The following USP12 variants were observed in gnomAD, a reference collection of about 807,000 sequenced individuals.
USP12 encodes the protein ubiquitin carboxyl-terminal hydrolase 12.
USP12 carries 19 observed loss-of-function variants against 45.5 expected under a neutral mutation model. The observed-to-expected ratio is 0.42, with a 90% confidence interval of 0.29 to 0.61. The LOEUF is 0.61. USP12 is among the 20% of genes least tolerant of loss of function. The pLI is 0.22. For synonymous variants in USP12, 149 were observed against 148.8 expected (o/e 1.00, Z -0.01); for missense variants, 242 against 447.7 (o/e 0.54, Z 4.15).
intron 6 of USP12, among the ~76,000 whole-genome samples, chr13:27,078,164 C>T (rs891536778): frequency 9.2e-5 from 14 of 151,354 alleles, no homozygotes; most frequent in African/African-American, 1.5e-4. Flanking sequence ...TTGGGAGTTC[C>T]ACATCCACAG....
At chr13:27,105,427 C>A (rs560958445) in intron 3 of USP12, among the ~76,000 whole-genome samples, 27 of 152,192 alleles carry the variant, frequency 1.8e-4, no homozygotes, top group African/African-American at 6.3e-4. Context: ...GAAACAAAAA[C>A]CCTTCATTCT....
intron 8 of USP12, 64 bp downstream of exon 8, chr13:27,071,007 G>A: frequency 7.3e-7 from 1 of 1,375,098 alleles, no homozygotes; most frequent in Non-Finnish European, 1.0e-6. Context: ...AAAACTATGA[G>A]AAAAAAGTGA....
rs552978432 is a variant in USP12, at chr13:27,143,803, T to C, written c.49-27207A>G. 7.1e-4 allele frequency among the ~76,000 whole-genome samples: 108 copies of C among 152,314 alleles called. 2 individuals carry two copies. The South Asian group carries it at 0.022, about 31-fold the overall frequency. ...GCCTTTAGACCTAATTCCCACTTTA[T>C]AGAAAATATAACGGATAGAAGAGCA... On this transcript the variant is annotated intron_variant, in intron 1 of 8. Coordinates refer to ENST00000282344, the MANE Select transcript of USP12 (RefSeq NM_182488.4).
chr13:27,093,586 G>T (rs1002485875), intron 4 of USP12, among the ~76,000 whole-genome samples: 1 of 152,152 alleles, frequency 6.6e-6, no homozygotes, highest in Admixed American at 6.5e-5. Flanking sequence ...AGGAAAAATC[G>T]TACAGCCACT....
chr13:27,159,613 T>G (rs1228082406), intron 1 of USP12, among the ~76,000 whole-genome samples: 1 of 152,224 alleles, frequency 6.6e-6, no homozygotes, highest in Non-Finnish European at 1.5e-5. Flanking sequence ...CTGTTCTAGA[T>G]TTATCATCTA....
intron 1 of USP12, among the ~76,000 whole-genome samples, chr13:27,166,847 G>A (rs978529789): frequency 2.6e-5 from 4 of 151,908 alleles, no homozygotes; most frequent in Non-Finnish European, 5.9e-5. Flanking sequence ...ACCTGTCAAC[G>A]CCCTAGTACC....
chr13:27,089,446 A>C (rs1443713546), intron 6 of USP12: 1 of 154,722 alleles, frequency 6.5e-6, no homozygotes, highest in Non-Finnish European at 1.4e-5. Context: ...GATGATGTTT[A>C]TTATTCCATT....
At chr13:27,159,668 CA>C (rs1185779505) in intron 1 of USP12, among the ~76,000 whole-genome samples, 2 of 152,272 alleles carry the variant, frequency 1.3e-5, no homozygotes, top group South Asian at 2.1e-4. Flanking sequence ...TATTTTTTAT[CA>C]TTGTGAGATC....
intron 1 of USP12, among the ~76,000 whole-genome samples, chr13:27,122,780 A>T (rs2137802992): frequency 6.6e-6 from 1 of 152,296 alleles, no homozygotes; most frequent in South Asian, 2.1e-4. Context: ...GTTATTAATG[A>T]AAACTCAAGT....
At position 27,156,134 on chromosome 13, in the gene USP12, T is replaced by C. The variant is rs17072003; in HGVS notation, c.48+15458A>G. ...TCTGACAATGCCAGCCTCATCATTA[T>C]AAAGAGACACGACATTCCACTGCAA... On this transcript the variant is annotated intron_variant, in intron 1 of 8. Coordinates refer to ENST00000282344, the MANE Select transcript of USP12 (RefSeq NM_182488.4). Among the ~76,000 whole-genome samples the C allele has an allele frequency of 1.0e-2, 1,511 of 151,318 alleles. 22 individuals are homozygous for C. Among genetic ancestry groups the C allele is most frequent in the African/African-American group, 0.035 (1,439 of 41,170 alleles).
chr13:27,074,273 G>T (rs1049631074), intron 7 of USP12, among the ~76,000 whole-genome samples: 2 of 152,142 alleles, frequency 1.3e-5, no homozygotes, highest in Non-Finnish European at 2.9e-5. Flanking sequence ...GGTGGTGGGT[G>T]CCTGTAGTCT....
At chr13:27,135,104 G>T (rs1415714619) in intron 1 of USP12, among the ~76,000 whole-genome samples, 1 of 152,056 alleles carries the variant, frequency 6.6e-6, no homozygotes, top group Non-Finnish European at 1.5e-5. Context: ...GGGTAACATG[G>T]TGAAAGCCCA....
chr13:27,160,979 C>T (rs549814281), intron 1 of USP12, among the ~76,000 whole-genome samples: 10 of 152,146 alleles, frequency 6.6e-5, no homozygotes, highest in East Asian at 1.9e-4. Flanking sequence ...CAGTGTGTAG[C>T]GTTCCCCTCC....
At chr13:27,132,119 G>C (rs553797886) in intron 1 of USP12, among the ~76,000 whole-genome samples, 2 of 152,282 alleles carry the variant, frequency 1.3e-5, no homozygotes, top group African/African-American at 4.8e-5. Context: ...CACCTTTCCT[G>C]CTATCCCTCA....
chr13:27,111,300 T>C (rs1293589033), intron 2 of USP12, among the ~76,000 whole-genome samples: 1 of 152,230 alleles, frequency 6.6e-6, no homozygotes, highest in Non-Finnish European at 1.5e-5. Flanking sequence ...TCCTAAGACC[T>C]AAAAATTATC....
At chr13:27,145,618 T>C (rs1877274054) in intron 1 of USP12, among the ~76,000 whole-genome samples, 1 of 152,204 alleles carries the variant, frequency 6.6e-6, no homozygotes. Context: ...CTGTGAAATA[T>C]CATGATCTCA....
chr13:27,148,676 T>TTATATATATATATATATA (rs59164229), intron 1 of USP12, among the ~76,000 whole-genome samples: 234 of 139,382 alleles, frequency 1.7e-3, no homozygotes, highest in African/African-American at 6.0e-3. Context: ...AAAAAAAAAA[T>TTATATATATATATATATA]TATATATATA....
At chr13:27,117,860 G>A (rs1875816980) in intron 1 of USP12, 1 of 517,562 alleles carries the variant, frequency 1.9e-6, no homozygotes, top group Non-Finnish European at 3.9e-6. Flanking sequence ...AAGGGAGGGG[G>A]AGAAATGTGG....
chr13:27,085,183 T>TC (rs1159648136), intron 6 of USP12, among the ~76,000 whole-genome samples: 44 of 151,946 alleles, frequency 2.9e-4, no homozygotes, highest in African/African-American at 1.0e-3. Context: ...TTTCTTTCTT[T>TC]TTTTTTTGAG....
Sources: gnomAD v4.1 joint callset for allele counts (sites outside exome capture counted in the v4.1 genomes callset) on GRCh38, gnomAD v4.1.1 for gene constraint, MANE v1.5 for transcripts, NCBI Gene and HGNC (gene_info 2026-07-23, HGNC 2026-07-21) for gene names.